The following CFAP54 variants were observed in gnomAD, a reference collection of about 807,000 sequenced individuals.
CFAP54 encodes cilia and flagella associated protein 54.
CFAP54 carries 290 observed loss-of-function variants against 370.4 expected under a neutral mutation model. That is an observed-to-expected ratio of 0.78 (90% CI 0.71 to 0.86). The LOEUF (loss-of-function observed/expected upper bound fraction) is 0.86, where lower values mean the gene tolerates loss of function less well. Ranked by LOEUF, CFAP54 falls within the 40% of genes least tolerant of loss-of-function variation. CFAP54 has a pLI of 0.00. For missense variants in CFAP54, 3,399 were observed against 3,528.7 expected (o/e 0.96, Z 0.93); for synonymous variants, 1,206 against 1,236.5 (o/e 0.98, Z 0.52).
At chr12:96,745,503 TCC>T (rs1958104755) in intron 55 of CFAP54, among the ~76,000 whole-genome samples, 1 of 148,966 alleles carries the variant, frequency 6.7e-6, no homozygotes, top group Admixed American at 6.7e-5. Context: ...TCTGTTTATG[TCC>T]TTTGCCCATT....
intron 1 of CFAP54, among the ~76,000 whole-genome samples, chr12:96,495,262 TTCCTTCCTTCCTTCC>T (rs1161996820): frequency 8.5e-6 from 1 of 117,442 alleles, no homozygotes; most frequent in Non-Finnish European, 2.1e-5. Flanking sequence ...CCTTCCTTCC[TTCCTTCCTTCCTTCC>T]TTCCTTCCTT....
In CFAP54 at chr12:96,495,016, C is replaced by T. The variant is rs141635444; in HGVS notation, c.317+5090C>T. ...TTGGGATTACAGGCGTGAGCCACTG[C>T]GCCTAGACAACAGATGGTTATTTTT... On this transcript the variant is annotated intron_variant, in intron 1 of 67. Coordinates refer to ENST00000524981, the MANE Select transcript of CFAP54 (RefSeq NM_001306084.2). Among the ~76,000 whole-genome samples the T allele has an allele frequency of 4.6e-3, 698 of 152,176 alleles. 5 individuals carry two copies. Among genetic ancestry groups the T allele is most frequent in the African/African-American group, 0.016 (659 of 41,508 alleles).
intron 19 of CFAP54, among the ~76,000 whole-genome samples, chr12:96,567,022 C>T (rs11836734): frequency 0.058 from 8,857 of 152,094 alleles, 627 homozygotes; most frequent in African/African-American, 0.16. Flanking sequence ...GTACCTAACT[C>T]AATAGTGGGG....
At chr12:96,517,096 G>GA (rs917464233) in intron 5 of CFAP54, among the ~76,000 whole-genome samples, 2 of 150,918 alleles carry the variant, frequency 1.3e-5, no homozygotes, top group African/African-American at 4.9e-5. Context: ...TTAAGGGTAA[G>GA]AAAAAAATGC....
intron 45 of CFAP54, among the ~76,000 whole-genome samples, chr12:96,695,133 C>T (rs751371437): frequency 2.0e-5 from 3 of 152,204 alleles, no homozygotes; most frequent in Non-Finnish European, 4.4e-5. Flanking sequence ...TTCAAGCTAC[C>T]GACAAGACAT....
chr12:96,826,300 T>C (rs1486602646), intron 65 of CFAP54, among the ~76,000 whole-genome samples: 1 of 143,254 alleles, frequency 7.0e-6, no homozygotes, highest in Non-Finnish European at 1.5e-5. Flanking sequence ...GACATATATA[T>C]ATAGAAGACA....
At position 96,516,637 on chromosome 12, in the gene CFAP54, C is replaced by T. The variant is rs908766114; in HGVS notation, c.799-2291C>T. ...TTTTGTTTATGGAATAATTTAGCTT[C>T]TTTGGTGGCATTTAAAACTGTAGTA... is the stretch of plus-strand genomic sequence containing the variant. On this transcript the variant is annotated intron_variant, in intron 5 of 67. Transcript: ENST00000524981. Among the ~76,000 whole-genome samples the T allele has an allele frequency of 2.0e-5, 3 of 152,182 alleles. No individual in the cohort carries two copies. In the South Asian group the frequency reaches 6.2e-4, roughly 31 times the overall value.
chr12:96,744,211 C>A, intron 55 of CFAP54, 65 bp downstream of exon 55: 1 of 1,407,066 alleles, frequency 7.1e-7, no homozygotes. Context: ...TATTTTTAGG[C>A]AGGCTATCAT....
intron 32 of CFAP54, among the ~76,000 whole-genome samples, chr12:96,641,942 G>GT (rs199869409): frequency 4.0e-5 from 6 of 148,606 alleles, no homozygotes; most frequent in South Asian, 2.2e-4. Context: ...GTGGTGCGGG[G>GT]GGGGAGGGAT....
At chr12:96,814,652 A>G (rs1352719821) in intron 64 of CFAP54, among the ~76,000 whole-genome samples, 1 of 152,192 alleles carries the variant, frequency 6.6e-6, no homozygotes, top group Non-Finnish European at 1.5e-5. Flanking sequence ...CCTGACACCT[A>G]GGTTTTAAGC....
intron 55 of CFAP54, among the ~76,000 whole-genome samples, chr12:96,749,233 C>A (rs1958155591): frequency 6.6e-6 from 1 of 152,168 alleles, no homozygotes; most frequent in Non-Finnish European, 1.5e-5. Flanking sequence ...TTCTATGTGT[C>A]CTTACATGGT....
At chr12:96,708,895 T>C in intron 48 of CFAP54, 92 bp downstream of exon 48, 1 of 1,030,214 alleles carries the variant, frequency 9.7e-7, no homozygotes, top group African/African-American at 1.6e-5. Context: ...TGATACAGTA[T>C]ATATTCTTCC....
chr12:96,824,767 C>G (rs1223231951), intron 65 of CFAP54, among the ~76,000 whole-genome samples: 1 of 152,150 alleles, frequency 6.6e-6, no homozygotes, highest in African/African-American at 2.4e-5. Flanking sequence ...TTCTCTGTCT[C>G]TTTCCAGTGC....
chr12:96,653,868 T>C (rs772381068), intron 36 of CFAP54, among the ~76,000 whole-genome samples: 2 of 151,978 alleles, frequency 1.3e-5, no homozygotes, highest in Non-Finnish European at 2.9e-5. Flanking sequence ...ATAGAAATAC[T>C]GATGAAGAAC....
At chr12:96,700,364 G>C (rs894818060) in intron 46 of CFAP54, among the ~76,000 whole-genome samples, 10 of 152,042 alleles carry the variant, frequency 6.6e-5, no homozygotes, top group Non-Finnish European at 1.0e-4. Flanking sequence ...TAGTTACCAT[G>C]GGCAGTCTCA....
At chr12:96,504,104 T>G (rs1955063181) in intron 3 of CFAP54, 75 bp downstream of exon 3, 1 of 1,348,370 alleles carries the variant, frequency 7.4e-7, no homozygotes, top group Non-Finnish European at 9.7e-7. Flanking sequence ...TGACAGCTTC[T>G]AAATGTCTTG....
intron 34 of CFAP54, among the ~76,000 whole-genome samples, 172 bp from the exon 35 acceptor site, chr12:96,649,719 C>T (rs1282331402): frequency 1.3e-5 from 2 of 152,214 alleles, no homozygotes; most frequent in African/African-American, 4.8e-5. Flanking sequence ...CCAAATACCT[C>T]CTTCTCTAGA....
At chr12:96,619,154 G>A (rs1956457428) in intron 26 of CFAP54, among the ~76,000 whole-genome samples, 1 of 152,098 alleles carries the variant, frequency 6.6e-6, no homozygotes, top group Admixed American at 6.5e-5. Context: ...ATAAGCCACG[G>A]CAACCAGCCT....
rs576357264 is a variant in CFAP54, at chr12:96,586,031, T to C, written c.3076-3396T>C. 2.2e-4 allele frequency among the ~76,000 whole-genome samples: 33 copies of C among 152,184 alleles called. 1 individual carries two copies. The highest frequency in any genetic ancestry group is 5.2e-4 in the Admixed American group (8 of 15,282). On this transcript the variant is annotated intron_variant, in intron 22 of 67. Coordinates refer to ENST00000524981, the MANE Select transcript of CFAP54 (RefSeq NM_001306084.2). ...ACTGCTGGGTGTCCTTCTCTGTGGG[T>C]AGAGGGATATTATCAGGAAAAGAGG...
Sources: allele counts gnomAD v4.1 joint callset (sites outside exome capture counted in the v4.1 genomes callset), GRCh38; gene constraint gnomAD v4.1.1; transcripts MANE v1.5; gene names NCBI Gene and HGNC (gene_info 2026-07-23, HGNC 2026-07-21).